CUX1: variants seen among roughly 807,000 people sequenced by gnomAD.
CUX1 encodes protein CASP.
CUX1 carries 31 observed loss-of-function variants against 158.8 expected under a neutral mutation model. The observed-to-expected ratio is 0.20, with a 90% confidence interval of 0.15 to 0.26. The LOEUF (loss-of-function observed/expected upper bound fraction) is 0.26. CUX1 is among the 10% of genes least tolerant of loss of function. The pLI is 1.00. For synonymous variants in CUX1, 879 were observed against 862.1 expected, an observed-to-expected ratio of 1.02 and a Z score of -0.34; for missense variants, 1,589 against 2,014.6, an observed-to-expected ratio of 0.79 and a Z score of 4.04.
At chr7:102,180,428 T>A (rs1792909010) in intron 11 of CUX1, among the ~76,000 whole-genome samples, 1 of 149,598 alleles carries the variant, frequency 6.7e-6, no homozygotes, top group Non-Finnish European at 1.5e-5. Flanking sequence ...GCGATTCTCC[T>A]TGCCTCAGCC....
rs192314080 is a variant in CUX1, at chr7:101,888,904, A to G, written c.31-27211A>G. Among the ~76,000 whole-genome samples, 27 of 152,164 alleles carry G rather than the reference A, an allele frequency of 1.8e-4. No individual in the cohort carries two copies. In the East Asian group the frequency reaches 4.6e-3, roughly 26 times the overall value. ...CACACCTTGCCAAGAGATGGTCATT[A>G]AAGTTGAATTTTGGCACTCCTTGCA... On this transcript the variant is annotated intron_variant, in intron 1 of 23. Coordinates refer to ENST00000292535, the MANE Select transcript of CUX1 (RefSeq NM_181552.4).
chr7:102,245,012 TTTTG>T (rs549493158), intron 23 of CUX1, among the ~76,000 whole-genome samples: 121 of 152,148 alleles, frequency 8.0e-4, no homozygotes, highest in East Asian at 4.3e-3. Flanking sequence ...CCAAAAAGGT[TTTTG>T]TTTGTTTGTT....
chr7:102,283,577 C>T, exon 23 of CUX1: 1 of 171,740 alleles, frequency 5.8e-6, no homozygotes, highest in South Asian at 1.4e-4. Context: ...CCTGCCTTTG[C>T]CACCAGCCCC....
Position 102,171,116 on chromosome 7 carries a change from CTCGA to C in CUX1, c.828+569_828+572del, listed in dbSNP as rs1791671400. Among the ~76,000 whole-genome samples the C allele has an allele frequency of 2.0e-5, 3 of 152,288 alleles. No homozygotes were observed. In the South Asian group the frequency reaches 6.2e-4, roughly 32 times the overall value. ...TGGCTCTTAGCCCAAACATTCCCAG[CTCGA>C]TCAAGGTGGCTTTGAACTATGGGTT... On this transcript the variant is annotated intron_variant, in intron 10 of 23. Transcript: ENST00000292535.
chr7:101,836,199 TC>T, intron 1 of CUX1, among the ~76,000 whole-genome samples: 1 of 152,314 alleles, frequency 6.6e-6, no homozygotes, highest in South Asian at 2.1e-4. Flanking sequence ...CCGTTTGTTC[TC>T]CAGAATGCTG....
intron 20 of CUX1, among the ~76,000 whole-genome samples, chr7:102,221,754 AAAAAAAATT>A (rs1797826981): frequency 1.3e-5 from 2 of 152,062 alleles, no homozygotes; most frequent in Admixed American, 1.3e-4. Context: ...AAAAAAAAAA[AAAAAAAATT>A]AATTCACATA....
At chr7:102,084,012 A>G (rs1554479634) in intron 4 of CUX1, among the ~76,000 whole-genome samples, 1 of 145,188 alleles carries the variant, frequency 6.9e-6, no homozygotes, top group African/African-American at 2.5e-5. Flanking sequence ...CAGCCTCCCA[A>G]ATAGCTGGGA....
At chr7:101,890,739 A>G (rs149876359) in intron 1 of CUX1, among the ~76,000 whole-genome samples, 1,924 of 152,284 alleles carry the variant, frequency 0.013, 16 homozygotes, top group Non-Finnish European at 0.02. Flanking sequence ...AATTGTATTC[A>G]TTCAAACTCT....
At chr7:101,893,173 TTTTTTTTTTTTTA>T (rs1248025213) in intron 1 of CUX1, among the ~76,000 whole-genome samples, 5 of 109,060 alleles carry the variant, frequency 4.6e-5, no homozygotes, top group African/African-American at 7.1e-5. Flanking sequence ...TTTTTTTTTT[TTTTTTTTTTTTTA>T]AAATAGAGAT....
chr7:102,084,964 C>T (rs782496775), intron 4 of CUX1, among the ~76,000 whole-genome samples: 3 of 139,202 alleles, frequency 2.2e-5, no homozygotes, highest in East Asian at 2.1e-4. Context: ...TAGGGAAAAG[C>T]ATTCAGACTT....
chr7:101,887,911 C>G (rs1184091764), intron 1 of CUX1, among the ~76,000 whole-genome samples: 3 of 148,886 alleles, frequency 2.0e-5, no homozygotes, highest in African/African-American at 7.4e-5. Flanking sequence ...TTACGGAAAG[C>G]CCAGATGTCG....
Position 102,239,579 on chromosome 7 carries a change from C to T in CUX1, c.3882C>T (p.Asn1294=), listed in dbSNP as rs1478183627. 3 of 1,611,632 alleles carry T rather than the reference C, an allele frequency of 1.9e-6. No homozygotes were observed. Among genetic ancestry groups the T allele is most frequent in the Non-Finnish European group, 2.5e-6 (3 of 1,178,026 alleles). Residue 1294 remains asparagine, a synonymous_variant, in exon 23 of 24, where the codon AAC becomes AAT. Coordinates refer to ENST00000292535, the MANE Select transcript of CUX1 (RefSeq NM_181552.4). ...KTSTVINWFH[N]YRSRIRRELF... ...GCACCGTCATCAACTGGTTCCACAA[C>T]TACAGGTACGACGGCTGGCTCACAG...
intron 1 of CUX1, among the ~76,000 whole-genome samples, chr7:101,868,460 C>T (rs1332311356): frequency 6.6e-6 from 1 of 152,148 alleles, no homozygotes; most frequent in African/African-American, 2.4e-5. Flanking sequence ...TCAGTCTTTT[C>T]CCCCAGGGAC....
intron 15 of CUX1, among the ~76,000 whole-genome samples, chr7:102,197,591 T>C (rs1369787524): frequency 6.6e-6 from 1 of 152,158 alleles, no homozygotes; most frequent in Non-Finnish European, 1.5e-5. Context: ...TTGCATTACA[T>C]GATGTATAGC....
intron 1 of CUX1, among the ~76,000 whole-genome samples, chr7:101,915,151 G>A (rs762034265): frequency 7.9e-5 from 12 of 152,190 alleles, no homozygotes; most frequent in East Asian, 1.9e-4. Context: ...TTGCCAAAGC[G>A]ACTCGGCAGG....
At chr7:102,217,160 C>T (rs1230310193) in intron 20 of CUX1, among the ~76,000 whole-genome samples, 1 of 152,246 alleles carries the variant, frequency 6.6e-6, no homozygotes, top group Non-Finnish European at 1.5e-5. Flanking sequence ...GCCCCTGAAG[C>T]AGGGCCATCT....
At chr7:101,884,449 G>A (rs933719297) in intron 1 of CUX1, among the ~76,000 whole-genome samples, 2 of 152,152 alleles carry the variant, frequency 1.3e-5, no homozygotes, top group African/African-American at 4.8e-5. Context: ...GGTAGGGAAG[G>A]CCATGTGCCA....
chr7:101,944,429 G>T (rs1204739976), intron 2 of CUX1, among the ~76,000 whole-genome samples: 4 of 152,218 alleles, frequency 2.6e-5, no homozygotes, highest in African/African-American at 4.8e-5. Context: ...AAGGTCTGGG[G>T]GAAGCACTGG....
chr7:102,043,323 C>CTCTG (rs376535414), intron 3 of CUX1, among the ~76,000 whole-genome samples: 41 of 139,154 alleles, frequency 2.9e-4, no homozygotes, highest in African/African-American at 1.0e-3. Flanking sequence ...CATTAGCTCA[C>CTCTG]TGTGTGTGTG....
Sources: allele counts gnomAD v4.1 joint callset (sites outside exome capture counted in the v4.1 genomes callset), GRCh38; gene constraint gnomAD v4.1.1; transcripts MANE v1.5; gene names NCBI Gene and HGNC (gene_info 2026-07-23, HGNC 2026-07-21).